Variants in RBM27 observed in about 807,000 individuals in gnomAD.
The protein encoded by RBM27 is RNA binding motif protein 27.
Under a neutral mutation model 135.3 loss-of-function variants are expected in RBM27, and 22 were observed. The ratio of observed to expected loss-of-function variants is 0.16; its 90% CI spans 0.12 to 0.23. The LOEUF is 0.23. RBM27 is among the 10% of genes least tolerant of loss of function. RBM27 has a pLI of 1.00. For missense variants in RBM27, 1,009 were observed against 1,281.0 expected, an observed-to-expected ratio of 0.79 and a Z score of 3.24; for synonymous variants, 481 against 442.4, an observed-to-expected ratio of 1.09 and a Z score of -1.10.
intron 8 of RBM27, among the ~76,000 whole-genome samples, chr5:146,250,431 CAAA>C (rs775574346): frequency 1.1e-5 from 1 of 91,956 alleles, no homozygotes; most frequent in African/African-American, 4.0e-5. Flanking sequence ...GACTCCGTCT[CAAA>C]AAAAAAAAAA....
At chr5:146,246,416 A>G (rs1757624530) in intron 8 of RBM27, among the ~76,000 whole-genome samples, 1 of 152,198 alleles carries the variant, frequency 6.6e-6, no homozygotes, top group Admixed American at 6.5e-5. Context: ...TGAACTTGGG[A>G]TGTTTGCAGT....
chr5:146,219,318 G>C (rs1756341204), intron 2 of RBM27, among the ~76,000 whole-genome samples: 1 of 152,128 alleles, frequency 6.6e-6, no homozygotes, highest in South Asian at 2.1e-4. Flanking sequence ...TTGAGGCAAT[G>C]GCAGCTCTAA....
chr5:146,266,793 T>C (rs1205048369), intron 14 of RBM27, among the ~76,000 whole-genome samples: 1 of 151,958 alleles, frequency 6.6e-6, no homozygotes, highest in Admixed American at 6.6e-5. Flanking sequence ...AGAAACCAGC[T>C]AGGCTTGCAG....
chr5:146,226,454 C>T (rs1756681448), intron 3 of RBM27, among the ~76,000 whole-genome samples: 1 of 151,936 alleles, frequency 6.6e-6, no homozygotes, highest in African/African-American at 2.4e-5. Context: ...TCTCAGCTTA[C>T]TGCCACCTCC....
At chr5:146,232,004 A>G (rs1756953754) in intron 6 of RBM27, among the ~76,000 whole-genome samples, 1 of 152,236 alleles carries the variant, frequency 6.6e-6, no homozygotes, top group South Asian at 2.1e-4. Flanking sequence ...CATTTGAATG[A>G]ATGAATCGGT....
In RBM27 at chr5:146,254,988, C is replaced by T; in HGVS notation, c.1490C>T (p.Thr497Ile). ...DGYNPEAPSI[T>I]SSGRSQYRQF... is the part of the protein sequence containing the mutation. ...TACAACCCAGAAGCTCCTAGTATTA[C>T]TAGTTCTGGTAGATCTCAGTACAGA... Residue 497 changes from threonine (T) to isoleucine (I), a missense_variant, in exon 10 of 21, where the codon ACT becomes ATT. By Grantham distance (89) the Thr-to-Ile change is moderately conservative. Around this residue, in one of 6 missense-constraint regions of RBM27, gnomAD observed 329 missense variants for 368.1 expected, o/e 0.89. Transcript: ENST00000265271. 1.9e-6 allele frequency: 3 copies of T among 1,598,464 alleles called. No individual in the cohort carries two copies. Among genetic ancestry groups the T allele is most frequent in the Non-Finnish European group, 1.7e-6 (2 of 1,166,464 alleles).
chr5:146,279,170 C>T (rs535185547), intron 19 of RBM27, among the ~76,000 whole-genome samples: 1 of 151,850 alleles, frequency 6.6e-6, no homozygotes, highest in East Asian at 1.9e-4. Context: ...CTTTTTAGGG[C>T]TGGGTGCGGT....
intron 8 of RBM27, among the ~76,000 whole-genome samples, chr5:146,246,310 TAA>T (rs1184921175): frequency 6.6e-6 from 1 of 152,212 alleles, no homozygotes; most frequent in Non-Finnish European, 1.5e-5. Flanking sequence ...TTAGGTTGAA[TAA>T]AGACTGTCTT....
Position 146,286,111 on chromosome 5 carries a change from G to C in RBM27, c.*81G>C. On this transcript the variant is annotated 3_prime_UTR_variant, in exon 21 of 21. Coordinates refer to ENST00000265271, the MANE Select transcript of RBM27 (RefSeq NM_018989.2). ...AAAATTATTTAAAAGAAGTCAATGA[G>C]CCAAAAAAAATTTTTTTATTTTTCT... The C allele has an allele frequency of 1.5e-6, 2 of 1,340,232 alleles. No homozygotes were observed. The highest frequency in any genetic ancestry group is 1.4e-5 in the South Asian group (1 of 73,860). 83.0% of individuals were successfully genotyped at this position (1,340,232 alleles called of 1,614,324 possible). A position where few individuals can be genotyped will look rare whatever the true frequency, so the allele number is the denominator to read the frequency against.
chr5:146,249,900 A>AC (rs1217748022), intron 8 of RBM27, among the ~76,000 whole-genome samples: 1 of 152,070 alleles, frequency 6.6e-6, no homozygotes, highest in Non-Finnish European at 1.5e-5. Flanking sequence ...TCAACCTACC[A>AC]CCTAGGTATT....
intron 1 of RBM27, among the ~76,000 whole-genome samples, chr5:146,206,363 A>T (rs1264087246): frequency 8.2e-6 from 1 of 121,220 alleles, no homozygotes; most frequent in African/African-American, 3.1e-5. Context: ...CTTCTTGCTT[A>T]GGCTTTTTTT....
Position 146,284,511 on chromosome 5 carries a change from TAA to T in RBM27, c.2989-110_2989-109del, listed in dbSNP as rs1759503856. On this transcript the variant is annotated intron_variant, in intron 19 of 20. Coordinates refer to ENST00000265271, the MANE Select transcript of RBM27 (RefSeq NM_018989.2). ...CTCATTGGAGATTGTAGATCCACCT[TAA>T]CAGATTTCTCTCCTGCCCTATGTTA... 5.4e-6 allele frequency: 4 copies of T among 742,652 alleles called. No homozygotes were observed. In the Admixed American group the frequency reaches 9.3e-5, roughly 17 times the overall value. 46.0% of individuals were successfully genotyped at this position (742,652 alleles called of 1,614,324 possible). A position where few individuals can be genotyped will look rare whatever the true frequency, so the allele number is the denominator to read the frequency against.
chr5:146,267,112 G>A (rs1423803152), intron 14 of RBM27, among the ~76,000 whole-genome samples: 1 of 152,152 alleles, frequency 6.6e-6, no homozygotes, highest in African/African-American at 2.4e-5. Context: ...TCAGTGAGAG[G>A]TATACACAAT....
chr5:146,245,611 G>T (rs1162476579), intron 8 of RBM27, among the ~76,000 whole-genome samples: 1 of 152,022 alleles, frequency 6.6e-6, no homozygotes, highest in Non-Finnish European at 1.5e-5. Flanking sequence ...TTAATTCTGT[G>T]GCATTATGTA....
At chr5:146,271,774 A>G (rs1350930286) in intron 19 of RBM27, 100 bp downstream of exon 19, 7 of 1,084,014 alleles carry the variant, frequency 6.5e-6, no homozygotes, top group Non-Finnish European at 9.0e-6. Context: ...TAGATTAGAA[A>G]AATTAGTTGT....
chr5:146,212,163 C>T (rs762874411), intron 1 of RBM27, among the ~76,000 whole-genome samples: 3 of 151,780 alleles, frequency 2.0e-5, no homozygotes, highest in Non-Finnish European at 4.4e-5. Context: ...TCAAGTGATT[C>T]TCCTGTGTCA....
chr5:146,240,818 G>A (rs1757375878), intron 8 of RBM27, among the ~76,000 whole-genome samples: 1 of 152,012 alleles, frequency 6.6e-6, no homozygotes, highest in African/African-American at 2.4e-5. Flanking sequence ...GTATCTCGCT[G>A]TATTCTGATT....
intron 3 of RBM27, among the ~76,000 whole-genome samples, chr5:146,228,465 C>G (rs144151194): frequency 1.3e-4 from 19 of 151,098 alleles, no homozygotes; most frequent in Admixed American, 1.3e-4. Flanking sequence ...TATTTTTAGT[C>G]GAGACAGGGT....
intron 6 of RBM27, among the ~76,000 whole-genome samples, chr5:146,231,155 T>A (rs1756913658): frequency 6.6e-6 from 1 of 151,784 alleles, no homozygotes. Context: ...CCAAGTAGCC[T>A]CCCAGGTAGG....
Sources: gnomAD v4.1 joint callset for allele counts (sites outside exome capture counted in the v4.1 genomes callset) on GRCh38, gnomAD v4.1.1 for gene constraint, gnomAD v4.1.1 regional missense constraint, MANE v1.5 for transcripts, NCBI Gene and HGNC (gene_info 2026-07-23, HGNC 2026-07-21) for gene names.